ME3: variants seen among roughly 807,000 people sequenced by gnomAD.
ME3 encodes the protein malic enzyme 3.
Under a neutral mutation model 68.9 loss-of-function variants are expected in ME3, and 48 were observed. That is an observed-to-expected ratio of 0.70 (90% CI 0.55 to 0.89). The LOEUF (loss-of-function observed/expected upper bound fraction) is 0.89. Ranked by LOEUF, ME3 falls within the 40% of genes least tolerant of loss-of-function variation. The pLI is 0.00. For missense variants in ME3, 675 were observed against 797.4 expected (o/e 0.85, Z 1.85); for synonymous variants, 320 against 318.8 (o/e 1.00, Z -0.04).
At chr11:86,660,913 C>T (rs181670411) in intron 2 of ME3, among the ~76,000 whole-genome samples, 1 of 151,586 alleles carries the variant, frequency 6.6e-6, no homozygotes, top group East Asian at 1.9e-4. Flanking sequence ...TCTCCAGTCC[C>T]CATGGAGTGA....
At chr11:86,468,288 A>T (rs1019420319) in intron 7 of ME3, among the ~76,000 whole-genome samples, 5 of 152,174 alleles carry the variant, frequency 3.3e-5, no homozygotes, top group Admixed American at 2.0e-4. Context: ...TCTTAGCACC[A>T]TCCATTTAAC....
intron 2 of ME3, among the ~76,000 whole-genome samples, chr11:86,641,353 G>A (rs1039243688): frequency 1.1e-4 from 16 of 152,208 alleles, no homozygotes; most frequent in African/African-American, 3.4e-4. Flanking sequence ...TCCTCTCTGA[G>A]TGGGTTGATG....
At chr11:86,654,569 A>G (rs1945718989) in intron 2 of ME3, among the ~76,000 whole-genome samples, 1 of 152,226 alleles carries the variant, frequency 6.6e-6, no homozygotes, top group Non-Finnish European at 1.5e-5. Context: ...AAAACTCTCA[A>G]TGAATTAGGT....
chr11:86,455,206 A>G (rs529699569), intron 8 of ME3, among the ~76,000 whole-genome samples: 1 of 135,512 alleles, frequency 7.4e-6, no homozygotes, highest in South Asian at 2.5e-4. Context: ...ACAAAGTGAC[A>G]GGCACCATGC....
intron 7 of ME3, among the ~76,000 whole-genome samples, chr11:86,467,302 C>G (rs1950528708): frequency 6.6e-6 from 1 of 152,194 alleles, no homozygotes; most frequent in Admixed American, 6.5e-5. Flanking sequence ...CACAATTCTT[C>G]TTCACAGTCA....
intron 4 of ME3, among the ~76,000 whole-genome samples, chr11:86,519,330 G>C (rs1594265356): frequency 6.6e-6 from 1 of 152,154 alleles, no homozygotes; most frequent in African/African-American, 2.4e-5. Flanking sequence ...TCAGTTACAC[G>C]AGAGAGAAAG....
intron 2 of ME3, among the ~76,000 whole-genome samples, chr11:86,563,988 C>G (rs975125400): frequency 6.6e-6 from 1 of 152,094 alleles, no homozygotes; most frequent in African/African-American, 2.4e-5. Flanking sequence ...TGAAGAATGA[C>G]CTTGGTAGCT....
At chr11:86,457,630 A>G in intron 8 of ME3, 1 of 1,275,720 alleles carries the variant, frequency 7.8e-7, no homozygotes, top group Non-Finnish European at 1.0e-6. Flanking sequence ...CTAGGGGTTT[A>G]AAACTGGAAA....
intron 8 of ME3, chr11:86,464,196 C>T (rs1263218012): frequency 7.9e-6 from 3 of 377,736 alleles, no homozygotes; most frequent in Non-Finnish European, 1.5e-5. Flanking sequence ...CCAACTTATT[C>T]TTTCCACCTG....
At chr11:86,442,102 A>T (rs952906730) in intron 14 of ME3, among the ~76,000 whole-genome samples, 3 of 152,216 alleles carry the variant, frequency 2.0e-5, no homozygotes, top group Admixed American at 2.0e-4. Context: ...TACTAATAGA[A>T]ATAATAGTAT....
intron 4 of ME3, among the ~76,000 whole-genome samples, chr11:86,525,063 C>G (rs1183540197): frequency 2.0e-5 from 3 of 152,184 alleles, no homozygotes; most frequent in Non-Finnish European, 4.4e-5. Flanking sequence ...CCCACTCCAA[C>G]TTGCAAAACA....
intron 2 of ME3, among the ~76,000 whole-genome samples, chr11:86,604,093 A>G (rs982106325): frequency 6.7e-6 from 1 of 150,066 alleles, no homozygotes; most frequent in South Asian, 2.1e-4. Context: ...CTTAAAGTAT[A>G]ATAATAAAAA....
intron 2 of ME3, chr11:86,667,869 T>C (rs182408792): frequency 2.7e-4 from 41 of 152,238 alleles, no homozygotes; most frequent in African/African-American, 9.6e-4. Context: ...GGCTGATAGT[T>C]GCCTATTTAA....
At chr11:86,643,336 C>T (rs1217338224) in intron 2 of ME3, among the ~76,000 whole-genome samples, 2 of 152,044 alleles carry the variant, frequency 1.3e-5, no homozygotes, top group Non-Finnish European at 1.5e-5. Flanking sequence ...TTCCCTCCTG[C>T]CCCATCCTTC....
intron 7 of ME3, among the ~76,000 whole-genome samples, chr11:86,481,743 G>T (rs968666475): frequency 1.3e-5 from 2 of 152,122 alleles, no homozygotes; most frequent in Non-Finnish European, 2.9e-5. Context: ...CTTTAGCCTC[G>T]GAGTTGCTAT....
At chr11:86,441,360 C>G in exon 15 of ME3, 1 of 1,613,430 alleles carries the variant, frequency 6.2e-7, no homozygotes, top group Non-Finnish European at 8.5e-7. Context: ...GAGTGTAGAC[C>G]AGGGATCTTA....
chr11:86,639,322 T>C (rs1944528306), intron 2 of ME3, among the ~76,000 whole-genome samples: 1 of 152,182 alleles, frequency 6.6e-6, no homozygotes. Context: ...CAAGATCCTA[T>C]AAAAGAATGA....
rs1427741942 is a variant in ME3 at position 86,448,225 on chromosome 11, T to C, written c.1162A>G (p.Met388Val). Residue 388 changes from methionine to valine, a missense_variant, in exon 11 of 15, where the codon ATG becomes GTG. Transcript: ENST00000543262. ...ACTTCAGGATGGTCTTGGGCAAACA[T>C]CTCCTTTTCATGGTTCAGGTGGCTC... The C allele has an allele frequency of 1.9e-6, 3 of 1,613,932 alleles. No homozygotes were observed. The African/African-American group carries it at 4.0e-5, about 22-fold the overall frequency.
intron 2 of ME3, among the ~76,000 whole-genome samples, chr11:86,605,080 A>T (rs1180104469): frequency 6.6e-6 from 1 of 152,192 alleles, no homozygotes; most frequent in Non-Finnish European, 1.5e-5. Flanking sequence ...TGGATATTTC[A>T]TACAAACGGA....
Sources: gnomAD v4.1 joint callset for allele counts (sites outside exome capture counted in the v4.1 genomes callset) on GRCh38, gnomAD v4.1.1 for gene constraint, MANE v1.5 for transcripts, NCBI Gene and HGNC (gene_info 2026-07-23, HGNC 2026-07-21) for gene names.